The following UGT1A4 variants were observed in gnomAD, a reference collection of about 807,000 sequenced individuals.
UGT1A4 encodes UDP-glucuronosyltransferase 1A4.
Under a neutral mutation model 41.1 loss-of-function variants are expected in UGT1A4, and 32 were observed. The ratio of observed to expected loss-of-function variants is 0.78; its 90% CI spans 0.59 to 1.05. UGT1A4 has a LOEUF of 1.05. UGT1A4 is among the 50% of genes least tolerant of loss of function. The probability of loss-of-function intolerance (pLI) is 0.00; values close to 1 mark genes in which losing one functional copy is unlikely to be tolerated. For missense variants in UGT1A4, 748 were observed against 677.4 expected, an observed-to-expected ratio of 1.10 and a Z score of -1.16; for synonymous variants, 283 against 265.1, an observed-to-expected ratio of 1.07 and a Z score of -0.66.
At chr2:233,743,773 C>A (rs367921172) in intron 1 of UGT1A4, 4 of 1,367,248 alleles carry the variant, frequency 2.9e-6, no homozygotes, top group African/African-American at 1.5e-5. Context: ...CCTCGGCCAC[C>A]TGCTTGAATC....
intron 1 of UGT1A4, chr2:233,748,014 C>G: frequency 6.2e-7 from 1 of 1,613,488 alleles, no homozygotes; most frequent in Non-Finnish European, 8.5e-7. Flanking sequence ...TTACCCCAGG[C>G]CGATCATGCC....
At chr2:233,767,621 CT>C (rs1156408939) in intron 2 of UGT1A4, among the ~76,000 whole-genome samples, 1 of 152,158 alleles carries the variant, frequency 6.6e-6, no homozygotes, top group Non-Finnish European at 1.5e-5. Context: ...AAGTGCACAG[CT>C]TGATAAATTA....
intron 1 of UGT1A4, among the ~76,000 whole-genome samples, chr2:233,738,662 G>C (rs958812061): frequency 3.9e-5 from 6 of 152,136 alleles, no homozygotes; most frequent in African/African-American, 7.2e-5. Context: ...CTACGAACTT[G>C]AGAGAGATGA....
intron 1 of UGT1A4, among the ~76,000 whole-genome samples, chr2:233,722,376 A>C (rs969132963): frequency 2.1e-4 from 32 of 152,346 alleles, no homozygotes; most frequent in African/African-American, 7.5e-4. Context: ...TTGAAATCTT[A>C]CGTTTCTTCT....
intron 1 of UGT1A4, among the ~76,000 whole-genome samples, chr2:233,724,370 GC>G (rs1390000328): frequency 6.8e-6 from 1 of 148,040 alleles, no homozygotes; most frequent in Non-Finnish European, 1.5e-5. Flanking sequence ...GGACGGGGTG[GC>G]TGCCGGGCGG....
chr2:233,760,663 G>A, intron 1 of UGT1A4: 1 of 1,614,204 alleles, frequency 6.2e-7, no homozygotes, highest in Non-Finnish European at 8.5e-7. Context: ...GCTTTTGTCT[G>A]GCTGTTCCCA....
chr2:233,740,931 T>C (rs1341633178), intron 1 of UGT1A4: 1 of 151,798 alleles, frequency 6.6e-6, no homozygotes, highest in Non-Finnish European at 1.5e-5. Context: ...CAAAAAGTTT[T>C]TTTTTTAATT....
At chr2:233,744,484 GC>G (rs2125863541) in intron 1 of UGT1A4, among the ~76,000 whole-genome samples, 1 of 151,978 alleles carries the variant, frequency 6.6e-6, no homozygotes, top group Non-Finnish European at 1.5e-5. Context: ...TATTAATTGG[GC>G]AATTTAGTAA....
chr2:233,718,979 C>G lies in UGT1A4; in HGVS notation c.159C>G (p.Ala53=), dbSNP rs143900667. 274 of 1,614,174 alleles carry G rather than the reference C, an allele frequency of 1.7e-4. No individual in the cohort carries two copies. The highest frequency in any genetic ancestry group is 1.0e-3 in the East Asian group (45 of 44,874). Residue 53 remains alanine (A), a synonymous_variant, in exon 1 of 5, where the codon GCC becomes GCG. Coordinates refer to ENST00000373409, the MANE Select transcript of UGT1A4 (RefSeq NM_007120.3). ...SMREALRELH[A]RGHQAVVLTP... ...GGGAGGCCTTGCGGGAGCTCCATGCCAGAGGCCACCAGGCGGTGGTCCTCA... is the reference window on the plus strand; with the variant it reads ...GGGAGGCCTTGCGGGAGCTCCATGCGAGAGGCCACCAGGCGGTGGTCCTCA...
chr2:233,725,139 A>G lies in UGT1A4; in HGVS notation c.867+5452A>G, dbSNP rs1329392712. ...TGCAGTGAGCCGAGATGGCAGCAGTACAGTCCAGCTTCGGCTCTGCATGAG... is the reference window on the plus strand; with the variant it reads ...TGCAGTGAGCCGAGATGGCAGCAGTGCAGTCCAGCTTCGGCTCTGCATGAG... On this transcript the variant is annotated intron_variant, in intron 1 of 4. Transcript: ENST00000373409. Among the ~76,000 whole-genome samples, 4 of 132,800 alleles carry G rather than the reference A, an allele frequency of 3.0e-5. 1 individual carries two copies. The highest frequency in any genetic ancestry group is 6.3e-5 in the Non-Finnish European group (4 of 63,650). The allele number at this position is 132,800 out of a possible 152,430, so 87.1% of individuals were successfully genotyped here. A position where few individuals can be genotyped will look rare whatever the true frequency, so the allele number is the denominator to read the frequency against.
intron 1 of UGT1A4, among the ~76,000 whole-genome samples, chr2:233,732,830 G>GT (rs1465504396): frequency 3.4e-5 from 5 of 148,534 alleles, no homozygotes; most frequent in African/African-American, 1.0e-4. Context: ...CTTTAAAGTA[G>GT]TTTTTTCCAA....
In UGT1A4 at chr2:233,740,798, C is replaced by T. The variant is rs557461962; in HGVS notation, c.867+21111C>T. On this transcript the variant is annotated intron_variant, in intron 1 of 4. Transcript: ENST00000373409. ...AAAAGATGAATACCCACATAACAGGCTCTAGCACTGTTCTGTTTTTGAGCT... is the reference window on the plus strand; with the variant it reads ...AAAAGATGAATACCCACATAACAGGTTCTAGCACTGTTCTGTTTTTGAGCT... The T allele has an allele frequency of 3.9e-5, 6 of 151,946 alleles. No individual in the cohort carries two copies. The East Asian group carries it at 1.2e-3, about 29-fold the overall frequency. The allele number at this position is 151,946 out of a possible 1,614,324, so 9.4% of individuals were successfully genotyped here.
chr2:233,736,752 G>A (rs2078802513), intron 1 of UGT1A4, among the ~76,000 whole-genome samples: 1 of 152,176 alleles, frequency 6.6e-6, no homozygotes, highest in Non-Finnish European at 1.5e-5. Context: ...CTGTTTGTTA[G>A]TTTTCCTTCT....
chr2:233,727,709 G>T (rs1490010404), intron 1 of UGT1A4, among the ~76,000 whole-genome samples: 2 of 152,172 alleles, frequency 1.3e-5, no homozygotes, highest in African/African-American at 4.8e-5. Flanking sequence ...AGTTCCCAAA[G>T]CCCTTGCAGA....
intron 1 of UGT1A4, chr2:233,747,294 G>A (rs1361092863): frequency 6.2e-7 from 1 of 1,601,846 alleles, no homozygotes; most frequent in African/African-American, 1.3e-5. Flanking sequence ...CCTGGGCTGA[G>A]AGTGGGAAGG....
At position 233,725,077 on chromosome 2, in the gene UGT1A4, C is replaced by G. The variant is rs1449718817; in HGVS notation, c.867+5390C>G. On this transcript the variant is annotated intron_variant, in intron 1 of 4. Coordinates refer to ENST00000373409, the MANE Select transcript of UGT1A4 (RefSeq NM_007120.3). ...CGGCGCGCGCCTGCAATCGCAGGCACTCGGCAGGCTGAGGCAGGAGAATCA... is the reference window on the plus strand; with the variant it reads ...CGGCGCGCGCCTGCAATCGCAGGCAGTCGGCAGGCTGAGGCAGGAGAATCA... Among the ~76,000 whole-genome samples, 16 of 140,498 alleles carry G rather than the reference C, an allele frequency of 1.1e-4. 1 individual carries two copies. The highest frequency in any genetic ancestry group is 4.2e-4 in the African/African-American group (16 of 38,284). The allele number at this position is 140,498 out of a possible 152,430, so 92.2% of individuals were successfully genotyped here.
intron 1 of UGT1A4, chr2:233,754,450 G>A (rs1695489030): frequency 5.7e-6 from 2 of 352,214 alleles, no homozygotes; most frequent in Non-Finnish European, 1.1e-5. Context: ...TAAATTCTTG[G>A]GTACAGCTGT....
chr2:233,760,884 T>A, intron 1 of UGT1A4: 1 of 1,614,196 alleles, frequency 6.2e-7, no homozygotes, highest in African/African-American at 1.3e-5. Context: ...CTCTCTCCTC[T>A]CATTCAGATC....
At chr2:233,726,389 CAT>C (rs2077529485) in intron 1 of UGT1A4, among the ~76,000 whole-genome samples, 1 of 152,150 alleles carries the variant, frequency 6.6e-6, no homozygotes, top group Non-Finnish European at 1.5e-5. Flanking sequence ...GCTTCCATCT[CAT>C]AGTCTTTTGA....
Sources: allele counts gnomAD v4.1 joint callset (sites outside exome capture counted in the v4.1 genomes callset), GRCh38; gene constraint gnomAD v4.1.1; transcripts MANE v1.5; gene names NCBI Gene and HGNC (gene_info 2026-07-23, HGNC 2026-07-21).